The following GAGE2A variants were observed in gnomAD, a reference collection of about 807,000 sequenced individuals.
GAGE2A encodes G antigen 2A, also known as G antigen 2A/2B.
At chrX:49,591,631 G>A (rs1461485716) in intron 3 of GAGE2A, among the ~76,000 whole-genome samples, 1 of 95,048 alleles carries the variant, frequency 1.1e-5, no homozygotes, top group African/African-American at 3.7e-5. Flanking sequence ...GTGTTCCAAG[G>A]TTTGTGTCTT....
At chrX:49,591,340 G>C (rs2066596945) in intron 3 of GAGE2A, 23 bp downstream of exon 3, 1 of 851,782 alleles carries the variant, frequency 1.2e-6, no homozygotes. Flanking sequence ...GAAGAAGAAC[G>C]TCTGCTGGTG....
intron 1 of GAGE2A, among the ~76,000 whole-genome samples, chrX:49,589,892 G>A (rs1186791628): frequency 8.8e-6 from 1 of 113,893 alleles, no homozygotes; most frequent in Admixed American, 9.1e-5. Context: ...CGGGATCCCC[G>A]ACGACACAGG....
chrX:49,591,619 C>T (rs58117756), intron 3 of GAGE2A, among the ~76,000 whole-genome samples: 15 of 98,487 alleles, frequency 1.5e-4, no homozygotes, highest in African/African-American at 5.1e-4. Flanking sequence ...AACATTTGTA[C>T]TGTGTTCCAA....
chrX:49,590,089 C>T (rs1346106529), intron 1 of GAGE2A, among the ~76,000 whole-genome samples: 1 of 114,512 alleles, frequency 8.7e-6, no homozygotes, highest in East Asian at 2.7e-4. Context: ...AAGGAGTGGG[C>T]GAGGCAGTGC....
intron 3 of GAGE2A, among the ~76,000 whole-genome samples, chrX:49,591,609 A>C (rs1306578979): frequency 1.0e-5 from 1 of 99,391 alleles, no homozygotes; most frequent in East Asian, 3.2e-4. Flanking sequence ...TGGTGAATAC[A>C]ACATTTGTAC....
chrX:49,590,993 C>T (rs2066593821), intron 2 of GAGE2A, among the ~76,000 whole-genome samples: 1 of 114,861 alleles, frequency 8.7e-6, no homozygotes, highest in Non-Finnish European at 1.9e-5. Context: ...AGTATAATAG[C>T]CTCCAAAGTC....
intron 3 of GAGE2A, among the ~76,000 whole-genome samples, chrX:49,591,653 T>C (rs1209921892): frequency 3.7e-5 from 3 of 80,237 alleles, no homozygotes; most frequent in African/African-American, 1.2e-4. Flanking sequence ...CTATCATGTA[T>C]GTTGCTGTAA....
chrX:49,595,803 G>C (rs2066604170), intron 4 of GAGE2A, among the ~76,000 whole-genome samples: 1 of 87,518 alleles, frequency 1.1e-5, no homozygotes, highest in Admixed American at 1.2e-4. Flanking sequence ...GCGGTGTTTG[G>C]TTTTTTGTTC....
intron 3 of GAGE2A, among the ~76,000 whole-genome samples, 191 bp downstream of exon 3, chrX:49,591,508 T>G (rs1557130548): frequency 1.0e-5 from 1 of 99,550 alleles, no homozygotes; most frequent in Non-Finnish European, 2.1e-5. Flanking sequence ...CAGCTTAGCT[T>G]AGGCAAATCC....
At chrX:49,591,479 G>A (rs1344956704) in intron 3 of GAGE2A, among the ~76,000 whole-genome samples, 162 bp downstream of exon 3, 1 of 97,688 alleles carries the variant, frequency 1.0e-5, no homozygotes, top group Non-Finnish European at 2.1e-5. Flanking sequence ...GTGGAAAAGC[G>A]AGGAGGCTAT....
At chrX:49,589,955 G>A (rs2066587252) in intron 1 of GAGE2A, among the ~76,000 whole-genome samples, 1 of 114,240 alleles carries the variant, frequency 8.8e-6, no homozygotes, top group African/African-American at 3.2e-5. Flanking sequence ...GGTGAAGAAG[G>A]GGCCTGGCAC....
intron 1 of GAGE2A, among the ~76,000 whole-genome samples, chrX:49,590,153 G>A (rs1557130150): frequency 8.7e-6 from 1 of 114,727 alleles, no homozygotes; most frequent in African/African-American, 3.2e-5. Flanking sequence ...AAGTGGGAGT[G>A]TGCCCAAAGC....
At chrX:49,591,584 C>T (rs1428129531) in intron 3 of GAGE2A, among the ~76,000 whole-genome samples, 3 of 100,054 alleles carry the variant, frequency 3.0e-5, no homozygotes, top group African/African-American at 1.1e-4. Flanking sequence ...TGTGTGTTAT[C>T]CAAGAACCCT....
At chrX:49,590,106 A>C (rs2066588673) in intron 1 of GAGE2A, among the ~76,000 whole-genome samples, 1 of 114,615 alleles carries the variant, frequency 8.7e-6, no homozygotes, top group African/African-American at 3.2e-5. Context: ...GTGCGGTCCA[A>C]CCAAACTTGT....
intron 1 of GAGE2A, among the ~76,000 whole-genome samples, chrX:49,589,881 C>A (rs2066586548): frequency 8.8e-6 from 1 of 113,818 alleles, no homozygotes; most frequent in African/African-American, 3.3e-5. Flanking sequence ...TCCCGAGGTG[C>A]CGGGATCCCC....
chrX:49,590,327 C>G (rs1363141255), intron 1 of GAGE2A, among the ~76,000 whole-genome samples: 1,301 of 89,021 alleles, frequency 0.015, no homozygotes, highest in African/African-American at 0.059. Flanking sequence ...AGCGGGAGGT[C>G]GAGGCTGCAG....
At chrX:49,591,551 T>C (rs1433259292) in intron 3 of GAGE2A, among the ~76,000 whole-genome samples, 4 of 102,220 alleles carry the variant, frequency 3.9e-5, no homozygotes, top group African/African-American at 1.4e-4. Context: ...ACTTTATGAA[T>C]GAGAGAATGG....
chrX:49,589,924 C>T (rs2066586902), intron 1 of GAGE2A, among the ~76,000 whole-genome samples: 1 of 114,143 alleles, frequency 8.8e-6, no homozygotes, highest in African/African-American at 3.2e-5. Flanking sequence ...GAATGGGGCC[C>T]CCGGCGGGGG....
At chrX:49,591,496 T>C (rs1188861990) in intron 3 of GAGE2A, among the ~76,000 whole-genome samples, 179 bp downstream of exon 3, 48 of 98,996 alleles carry the variant, frequency 4.8e-4, no homozygotes, top group Admixed American at 8.6e-4. Flanking sequence ...CTATGTAGTT[T>C]GCAGCTTAGC....
Sources: gnomAD v4.1 joint callset for allele counts (sites outside exome capture counted in the v4.1 genomes callset) on GRCh38, gnomAD v4.1.1 for gene constraint, MANE v1.5 for transcripts, NCBI Gene and HGNC (gene_info 2026-07-23, HGNC 2026-07-21) for gene names.